Variants in PDZD2 observed in about 807,000 individuals in gnomAD.
PDZD2 encodes the protein PDZ domain containing 2.
In PDZD2, 90 loss-of-function variants were observed where a neutral mutation model predicts 220.7. That is an observed-to-expected ratio of 0.41 (90% confidence interval 0.34 to 0.49). PDZD2 has a LOEUF of 0.49. Among genes scored for constraint, PDZD2 ranks in the 20% least tolerant of loss-of-function variants. PDZD2 has a pLI of 0.28. For synonymous variants in PDZD2, 1,375 were observed against 1,450.5 expected, an observed-to-expected ratio of 0.95 and a Z score of 1.18; for missense variants, 3,174 against 3,608.5, an observed-to-expected ratio of 0.88 and a Z score of 3.08.
At chr5:31,712,747 C>T (rs544836680) in intron 1 of PDZD2, among the ~76,000 whole-genome samples, 3 of 152,230 alleles carry the variant, frequency 2.0e-5, no homozygotes, top group South Asian at 4.1e-4. Context: ...AGGGAAGTGA[C>T]GTGTGCACAG....
At chr5:31,875,722 C>A (rs1739246570) in intron 2 of PDZD2, among the ~76,000 whole-genome samples, 1 of 149,906 alleles carries the variant, frequency 6.7e-6, no homozygotes, top group African/African-American at 2.4e-5. Flanking sequence ...TATATACACA[C>A]ACCCCAAATC....
chr5:32,058,744 A>G (rs3909431), intron 12 of PDZD2, among the ~76,000 whole-genome samples: 1 of 151,130 alleles, frequency 6.6e-6, no homozygotes, highest in African/African-American at 2.4e-5. Context: ...AAAGAACAAA[A>G]GATTATAGTT....
intron 17 of PDZD2, among the ~76,000 whole-genome samples, chr5:32,073,323 T>A (rs1740935139): frequency 6.6e-6 from 1 of 152,060 alleles, no homozygotes; most frequent in Non-Finnish European, 1.5e-5. Flanking sequence ...TTCTAGAGTA[T>A]CTTTAAGACA....
At position 31,670,574 on chromosome 5, in the gene PDZD2, G is replaced by A. The variant is rs189185408; in HGVS notation, c.-361+31137G>A. Among the ~76,000 whole-genome samples, 240 of 152,070 alleles carry A rather than the reference G, an allele frequency of 1.6e-3. 1 individual carries two copies. Among genetic ancestry groups the A allele is most frequent in the African/African-American group, 5.5e-3 (229 of 41,460 alleles). The stretch of plus-strand genomic sequence containing the variant: ...TGGGATTACAGGCACCCGCCACCAC[G>A]CCCGGCTAATTTTTTAAATGTATTT... On this transcript the variant is annotated intron_variant, in intron 1 of 24. Transcript: ENST00000438447.
At chr5:31,645,074 C>T (rs1245957945) in intron 1 of PDZD2, among the ~76,000 whole-genome samples, 2 of 152,102 alleles carry the variant, frequency 1.3e-5, no homozygotes, top group Non-Finnish European at 2.9e-5. Flanking sequence ...GCCTGAAATG[C>T]CTAGATATCC....
At chr5:31,986,875 TC>T (rs1274205585) in intron 3 of PDZD2, among the ~76,000 whole-genome samples, 2 of 152,228 alleles carry the variant, frequency 1.3e-5, no homozygotes, top group Non-Finnish European at 2.9e-5. Context: ...CCTCAGTCTT[TC>T]CTTTTCCATC....
chr5:31,710,841 G>C (rs1199797537), intron 1 of PDZD2, among the ~76,000 whole-genome samples: 1 of 149,760 alleles, frequency 6.7e-6, no homozygotes. Context: ...AAAGAGTAGA[G>C]ATATGAGAGG....
chr5:31,870,755 G>A (rs1039267082), intron 2 of PDZD2, among the ~76,000 whole-genome samples: 2 of 152,168 alleles, frequency 1.3e-5, no homozygotes, highest in African/African-American at 4.8e-5. Context: ...CGGGCATGGT[G>A]GTGGGCACCT....
At chr5:32,051,708 G>A (rs1185340411) in intron 8 of PDZD2, among the ~76,000 whole-genome samples, 1 of 152,150 alleles carries the variant, frequency 6.6e-6, no homozygotes, top group African/African-American at 2.4e-5. Flanking sequence ...GCTGCTGCGT[G>A]TCAGGAAGGG....
At chr5:31,748,839 A>G (rs909724863) in intron 1 of PDZD2, among the ~76,000 whole-genome samples, 4 of 152,212 alleles carry the variant, frequency 2.6e-5, no homozygotes, top group Non-Finnish European at 2.9e-5. Context: ...GACAGATTTT[A>G]GGTTACCTGG....
At chr5:31,740,044 A>G (rs1750152305) in intron 1 of PDZD2, among the ~76,000 whole-genome samples, 1 of 152,116 alleles carries the variant, frequency 6.6e-6, no homozygotes, top group Non-Finnish European at 1.5e-5. Context: ...ATCTGTTCCC[A>G]TCTTTTCTCT....
At position 32,109,051 on chromosome 5, in the gene PDZD2, C is replaced by A. The variant is rs1265893613; in HGVS notation, c.*916C>A. 6.8e-6 allele frequency: 1 copy of A among 147,362 alleles called. No individual in the cohort carries two copies. Among genetic ancestry groups the A allele is most frequent in the Non-Finnish European group, 1.5e-5 (1 of 65,818 alleles). 9.1% of individuals were successfully genotyped at this position (147,362 alleles called of 1,614,324 possible). On this transcript the variant is annotated 3_prime_UTR_variant, in exon 25 of 25. Transcript: ENST00000438447. ...ACAAAAATATCACAAGTCAGTCAGT[C>A]ACTGGGTTTCCATTTCTGAATTTTA...
intron 2 of PDZD2, among the ~76,000 whole-genome samples, chr5:31,865,973 T>A (rs1738197160): frequency 6.9e-6 from 1 of 144,158 alleles, no homozygotes; most frequent in South Asian, 2.2e-4. Context: ...GGATGGCAAC[T>A]CTTGTTTTTG....
intron 1 of PDZD2, among the ~76,000 whole-genome samples, chr5:31,765,996 T>C (rs1018466508): frequency 2.0e-5 from 3 of 151,308 alleles, no homozygotes; most frequent in Non-Finnish European, 4.4e-5. Context: ...CTGGGCAACA[T>C]GGCAAAACCC....
At chr5:31,909,252 C>T (rs1462009563) in intron 2 of PDZD2, 1 of 152,968 alleles carries the variant, frequency 6.5e-6, no homozygotes, top group Non-Finnish European at 1.5e-5. Context: ...GTCATCCACA[C>T]AACAACAGGA....
intron 1 of PDZD2, among the ~76,000 whole-genome samples, chr5:31,767,257 C>T (rs1752083065): frequency 6.6e-6 from 1 of 152,122 alleles, no homozygotes; most frequent in South Asian, 2.1e-4. Flanking sequence ...GGCTCCAACT[C>T]CTGAACTCAA....
chr5:31,668,220 A>G (rs1746080985), intron 1 of PDZD2, among the ~76,000 whole-genome samples: 1 of 152,120 alleles, frequency 6.6e-6, no homozygotes, highest in Non-Finnish European at 1.5e-5. Context: ...CTGCTTTCCA[A>G]TCTTACAGGA....
intron 6 of PDZD2, among the ~76,000 whole-genome samples, chr5:32,032,614 C>A (rs187362818): frequency 1.3e-5 from 2 of 152,264 alleles, no homozygotes; most frequent in Admixed American, 1.3e-4. Context: ...TTGCTTTTGT[C>A]TTCTGTTTTC....
In PDZD2 at chr5:31,799,989, A is replaced by G. The variant is rs559679479; in HGVS notation, c.476+265A>G. Among the ~76,000 whole-genome samples the G allele has an allele frequency of 2.6e-5, 4 of 152,216 alleles. No homozygotes were observed. In the East Asian group the frequency reaches 7.7e-4, roughly 29 times the overall value. The stretch of plus-strand genomic sequence containing the variant: ...TGAGGCTCCCAGACTCACAGTCCAG[A>G]AGCCCCACCCTGGAAGATCCACTTT... On this transcript the variant is annotated intron_variant, in intron 2 of 24. Transcript: ENST00000438447.
Sources: allele counts gnomAD v4.1 joint callset (sites outside exome capture counted in the v4.1 genomes callset), GRCh38; gene constraint gnomAD v4.1.1; transcripts MANE v1.5; gene names NCBI Gene and HGNC (gene_info 2026-07-23, HGNC 2026-07-21).